DPYSL5: variants seen among roughly 807,000 people sequenced by gnomAD.
The protein encoded by DPYSL5 is dihydropyrimidinase like 5.
DPYSL5 carries 9 observed loss-of-function variants against 58.4 expected under a neutral mutation model. The observed-to-expected ratio is 0.15, with a 90% confidence interval of 0.09 to 0.27. The LOEUF is 0.27. Ranked by LOEUF, DPYSL5 falls within the 10% of genes least tolerant of loss-of-function variation. DPYSL5 has a pLI of 1.00. For synonymous variants in DPYSL5, 293 were observed against 301.9 expected, an observed-to-expected ratio of 0.97 and a Z score of 0.31; for missense variants, 499 against 770.6, an observed-to-expected ratio of 0.65 and a Z score of 4.17.
chr2:26,917,721 G>T (rs544050893), intron 2 of DPYSL5, among the ~76,000 whole-genome samples: 8 of 152,224 alleles, frequency 5.3e-5, no homozygotes, highest in African/African-American at 1.9e-4. Context: ...GCCAGCGCAG[G>T]TGATAAGCTG....
At chr2:26,891,334 A>G (rs1452291709) in intron 1 of DPYSL5, among the ~76,000 whole-genome samples, 2 of 152,170 alleles carry the variant, frequency 1.3e-5, no homozygotes, top group African/African-American at 4.8e-5. Flanking sequence ...TGGTAGTCCT[A>G]GGAGAGCAGT....
intron 1 of DPYSL5, among the ~76,000 whole-genome samples, chr2:26,883,223 TA>T (rs1250073148): frequency 2.0e-5 from 3 of 152,144 alleles, no homozygotes; most frequent in Admixed American, 2.0e-4. Flanking sequence ...CCCTGCCAGA[TA>T]GATAACCACT....
In DPYSL5 at chr2:26,934,704, C is replaced by T. The variant is rs755621399; in HGVS notation, c.917C>T (p.Thr306Ile). 1.2e-6 allele frequency: 2 copies of T among 1,614,212 alleles called. No homozygotes were observed. The highest frequency in any genetic ancestry group is 3.3e-5 in the Admixed American group (2 of 60,030). ...TVPPLRLDTN[T>I]STYLMSLLAN... ...CCTCCCCTGAGACTGGACACCAACA[C>T]CTCAACCTACCTCATGAGCCTGCTG... The change falls in exon 8 of 13, where the codon ACC (threonine) becomes ATC (isoleucine). Residue 306 changes from threonine to isoleucine, a missense_variant. Physicochemically the swap from Thr to Ile is moderately conservative, Grantham distance 89. Coordinates refer to ENST00000288699, the MANE Select transcript of DPYSL5 (RefSeq NM_020134.4). The surrounding 1 kb of genome is among the most constrained non-coding windows in gnomAD (Gnocchi z 4.3).
intron 2 of DPYSL5, among the ~76,000 whole-genome samples, chr2:26,921,134 C>T (rs936390040): frequency 3.9e-5 from 6 of 152,070 alleles, no homozygotes; most frequent in Admixed American, 6.6e-5. Flanking sequence ...CTATTTGGCC[C>T]GGGGATATAG....
At chr2:26,901,582 G>A (rs886192282) in intron 2 of DPYSL5, among the ~76,000 whole-genome samples, 4 of 152,122 alleles carry the variant, frequency 2.6e-5, no homozygotes, top group Non-Finnish European at 4.4e-5. Flanking sequence ...ATGGACCGCC[G>A]CTGACCTACT....
At chr2:26,876,640 C>A (rs1025517356) in intron 1 of DPYSL5, among the ~76,000 whole-genome samples, 4 of 152,090 alleles carry the variant, frequency 2.6e-5, no homozygotes, top group Non-Finnish European at 5.9e-5. Flanking sequence ...CTCCGCCTCC[C>A]GAGTACCTGG....
intron 8 of DPYSL5, among the ~76,000 whole-genome samples, chr2:26,935,545 C>T (rs555269559): frequency 6.6e-5 from 10 of 151,942 alleles, no homozygotes; most frequent in African/African-American, 1.7e-4. Flanking sequence ...AAAAATTAGC[C>T]GGGCATGGTG....
chr2:26,924,937 C>A lies in DPYSL5; in HGVS notation c.312C>A (p.Asp104Glu), dbSNP rs1664791781. The A allele has an allele frequency of 6.2e-7, 1 of 1,614,182 alleles. No individual in the cohort carries two copies. Among genetic ancestry groups the A allele is most frequent in the African/African-American group, 1.3e-5 (1 of 75,058 alleles). Residue 104 changes from aspartate (D) to glutamate (E), a missense_variant, in exon 3 of 13, where the codon GAC becomes GAA. Physicochemically the swap from Asp to Glu is conservative, Grantham distance 45. Coordinates refer to ENST00000288699, the MANE Select transcript of DPYSL5 (RefSeq NM_020134.4). The surrounding 1 kb of genome is among the most constrained non-coding windows in gnomAD (Gnocchi z 4.7). Reference protein sequence around the residue: ...TTMIIGHVLPDKETSLVDAYE... With the variant: ...TTMIIGHVLPEKETSLVDAYE... ...TGATCATCGGCCACGTCCTGCCCGA[C>A]AAGGAGACCTCCCTTGTGGACGCTT...
chr2:26,922,624 C>A (rs1371692232), intron 2 of DPYSL5, among the ~76,000 whole-genome samples: 1 of 152,092 alleles, frequency 6.6e-6, no homozygotes, highest in Non-Finnish European at 1.5e-5. Flanking sequence ...TGTGGGAGTG[C>A]AAAGGAAAGC....
chr2:26,883,195 T>C (rs542174790), intron 1 of DPYSL5, among the ~76,000 whole-genome samples: 81 of 152,290 alleles, frequency 5.3e-4, no homozygotes, highest in African/African-American at 1.6e-3. Flanking sequence ...AAGCTCCCCC[T>C]ACCATGGGCC....
intron 2 of DPYSL5, among the ~76,000 whole-genome samples, chr2:26,922,006 C>A (rs1180498817): frequency 1.3e-5 from 2 of 152,206 alleles, no homozygotes; most frequent in African/African-American, 4.8e-5. Flanking sequence ...CTTCCCAGGG[C>A]TCTGGACTTT....
At chr2:26,931,096 G>A (rs1273191728) in intron 5 of DPYSL5, among the ~76,000 whole-genome samples, 1 of 145,412 alleles carries the variant, frequency 6.9e-6, no homozygotes, top group Non-Finnish European at 1.5e-5. Context: ...CCATGATCAT[G>A]CCACTGCACT....
intron 1 of DPYSL5, among the ~76,000 whole-genome samples, chr2:26,872,557 G>T (rs139169099): frequency 0.021 from 3,239 of 152,260 alleles, 130 homozygotes; most frequent in African/African-American, 0.075. Flanking sequence ...GGGTGTGGTG[G>T]TGCGTGCCTG....
chr2:26,902,248 G>A (rs1267861743), intron 2 of DPYSL5, among the ~76,000 whole-genome samples: 2 of 151,914 alleles, frequency 1.3e-5, no homozygotes, highest in African/African-American at 4.8e-5. Flanking sequence ...TGGTTGTGGG[G>A]TCTCATATTA....
chr2:26,855,724 T>C (rs1345555119), intron 1 of DPYSL5, among the ~76,000 whole-genome samples: 2 of 152,202 alleles, frequency 1.3e-5, no homozygotes, highest in Non-Finnish European at 2.9e-5. Context: ...CGCCATGGGC[T>C]GACTCGAAAT....
In DPYSL5 at chr2:26,881,755, G is replaced by A. The variant is rs556679417; in HGVS notation, c.-4-16741G>A. ...GGGTCTTACGACTCAGAAATAAAGGGAATGCCTTGTACCCTTTTGAAATCT... is the reference window on the plus strand; with the variant it reads ...GGGTCTTACGACTCAGAAATAAAGGAAATGCCTTGTACCCTTTTGAAATCT... On this transcript the variant is annotated intron_variant, in intron 1 of 12. Transcript: ENST00000288699. 2.0e-5 allele frequency among the ~76,000 whole-genome samples: 3 copies of A among 152,186 alleles called. No individual in the cohort carries two copies. The South Asian group carries it at 6.2e-4, about 32-fold the overall frequency.
intron 2 of DPYSL5, among the ~76,000 whole-genome samples, chr2:26,920,689 C>T (rs557324932): frequency 6.5e-4 from 99 of 152,188 alleles, no homozygotes; most frequent in Non-Finnish European, 1.2e-3. Flanking sequence ...CACTTGAACT[C>T]GGGAGGCGGA....
intron 12 of DPYSL5, among the ~76,000 whole-genome samples, chr2:26,945,076 C>CTA (rs1273034334): frequency 2.0e-5 from 3 of 152,104 alleles, no homozygotes; most frequent in Non-Finnish European, 4.4e-5. Flanking sequence ...TTTCTAAGTT[C>CTA]AGATATTTTT....
At chr2:26,868,588 A>C (rs536631618) in intron 1 of DPYSL5, among the ~76,000 whole-genome samples, 160 of 152,318 alleles carry the variant, frequency 1.1e-3, no homozygotes, top group African/African-American at 3.6e-3. Flanking sequence ...TCATTGCATA[A>C]GTCATTTTCC....
Sources: allele counts gnomAD v4.1 joint callset (sites outside exome capture counted in the v4.1 genomes callset), GRCh38; gene constraint gnomAD v4.1.1; non-coding constraint Gnocchi (gnomAD v3.1); transcripts MANE v1.5; gene names NCBI Gene and HGNC (gene_info 2026-07-23, HGNC 2026-07-21).